PRXL2C: variants seen among roughly 807,000 people sequenced by gnomAD.
PRXL2C encodes the protein peroxiredoxin-like 2C.
A neutral mutation model predicts 24.9 loss-of-function variants in PRXL2C; 38 were observed. The ratio of observed to expected loss-of-function variants is 1.53; its 90% CI spans 1.18 to 2.00. The LOEUF (loss-of-function observed/expected upper bound fraction) is 2.00. Among genes scored for constraint, PRXL2C ranks in the 30% most tolerant of loss-of-function variants. The pLI is 0.00. For synonymous variants in PRXL2C, 98 were observed against 117.2 expected, an observed-to-expected ratio of 0.84 and a Z score of 1.06; for missense variants, 294 against 290.9, an observed-to-expected ratio of 1.01 and a Z score of -0.08.
intron 5 of PRXL2C, among the ~76,000 whole-genome samples, chr9:96,645,179 G>A (rs897718159): frequency 2.6e-5 from 4 of 151,556 alleles, no homozygotes; most frequent in South Asian, 2.1e-4. Context: ...AAAGTGCTGG[G>A]ATTACAGGCG....
At chr9:96,644,876 GGATTCTTTTTTTTTTTTT>G (rs1848169791) in intron 5 of PRXL2C, among the ~76,000 whole-genome samples, 1 of 113,676 alleles carries the variant, frequency 8.8e-6, no homozygotes, top group African/African-American at 3.0e-5. Flanking sequence ...ATAACTACAT[GGATTCTTTTTTTTTTTTT>G]TTTTTTTTTT....
At position 96,654,787 on chromosome 9, in the gene PRXL2C, C is replaced by A; in HGVS notation, c.193-14G>T. 6.4e-7 allele frequency: 1 copy of A among 1,555,930 alleles called. No homozygotes were observed. Among genetic ancestry groups the A allele is most frequent in the Non-Finnish European group, 8.7e-7 (1 of 1,148,874 alleles). On this transcript the variant is annotated splice_polypyrimidine_tract_variant and intron_variant, in intron 1 of 5. Coordinates refer to ENST00000375234, the MANE Select transcript of PRXL2C (RefSeq NM_153698.2). The stretch of plus-strand genomic sequence containing the variant: ...ACACAGGAAATGCTGAAAGCCAAAA[C>A]GGCAGAAAGGGCAAGTTAGTAAAGC...
chr9:96,645,813 G>GA, intron 5 of PRXL2C, 80 bp downstream of exon 5: 1 of 1,423,870 alleles, frequency 7.0e-7, no homozygotes, highest in Non-Finnish European at 9.4e-7. Flanking sequence ...AAAAAAAAAG[G>GA]AAAAGAAAAG....
intron 4 of PRXL2C, among the ~76,000 whole-genome samples, chr9:96,648,516 G>A (rs1401424527): frequency 6.6e-6 from 1 of 151,804 alleles, no homozygotes; most frequent in African/African-American, 2.4e-5. Context: ...TTCTGAGACT[G>A]ATTTTGAGAT....
intron 4 of PRXL2C, among the ~76,000 whole-genome samples, chr9:96,646,517 T>C (rs1848202821): frequency 6.6e-6 from 1 of 152,250 alleles, no homozygotes; most frequent in Non-Finnish European, 1.5e-5. Context: ...TGCTACGTGT[T>C]GGTCAAAACC....
At position 96,655,264 on chromosome 9, in the gene PRXL2C, C is replaced by T. The variant is rs888270424; in HGVS notation, c.18G>A (p.Pro6=). Residue 6 remains proline, a synonymous_variant, in exon 1 of 6, where the codon CCG becomes CCA. Transcript: ENST00000375234. The stretch of plus-strand genomic sequence containing the variant: ...CGGCGCCGCTAACCTGCCGCGTGAC[C>T]GGGGCCGGCGCGGCCATGACGCGGG... MAAPA[P]VTRQVSGAAA... 2.8e-6 allele frequency: 3 copies of T among 1,082,976 alleles called. No individual in the cohort carries two copies. The highest frequency in any genetic ancestry group is 1.1e-6 in the Non-Finnish European group (1 of 894,410). The allele number at this position is 1,082,976 out of a possible 1,614,324, so 67.1% of individuals were successfully genotyped here.
chr9:96,639,696 A>T lies in PRXL2C; in HGVS notation c.*2063T>A, dbSNP rs1161015772. On this transcript the variant is annotated 3_prime_UTR_variant, in exon 6 of 6. Transcript: ENST00000375234. ...TTATATGCTTCATATAAAAGTACTG[A>T]GTTCAAAGCAGTATTATACTTGCTA... is the stretch of plus-strand genomic sequence containing the variant. 1 of 152,230 alleles carries T rather than the reference A, an allele frequency of 6.6e-6. No homozygotes were observed. The highest frequency in any genetic ancestry group is 1.5e-5 in the Non-Finnish European group (1 of 68,034). 9.4% of individuals were successfully genotyped at this position (152,230 alleles called of 1,614,324 possible). A position where few individuals can be genotyped will look rare whatever the true frequency, so the allele number is the denominator to read the frequency against.
intron 5 of PRXL2C, 136 bp downstream of exon 5, chr9:96,645,757 A>C: frequency 1.0e-6 from 1 of 987,360 alleles, no homozygotes; most frequent in South Asian, 1.8e-5. Flanking sequence ...AGATTGCGCC[A>C]CTGCACTCCA....
rs775551566 is a variant in PRXL2C, at chr9:96,651,693, A to G, written c.281T>C (p.Ile94Thr). The change falls in exon 3 of 6, where the codon ATA becomes ACA. Residue 94 changes from isoleucine to threonine, a missense_variant. Ile to Thr is a moderately conservative substitution (Grantham distance 89). Coordinates refer to ENST00000375234, the MANE Select transcript of PRXL2C (RefSeq NM_153698.2). The part of the protein sequence containing the change: ...SFLQEANVTL[I>T]VIGQSSYHHI... ...ATGGTAGGATGACTGTCCAATCACT[A>G]TAAGGGTGACATTTGCTTCCTTAGG... 6.2e-6 allele frequency: 10 copies of G among 1,610,430 alleles called. No homozygotes were observed. The highest frequency in any genetic ancestry group is 2.2e-5 in the South Asian group (2 of 90,532).
At chr9:96,646,282 C>G (rs921280678) in intron 4 of PRXL2C, among the ~76,000 whole-genome samples, 2 of 152,108 alleles carry the variant, frequency 1.3e-5, no homozygotes, top group African/African-American at 4.8e-5. Flanking sequence ...TCAGACAATG[C>G]CAAATGTCTC....
chr9:96,641,916 G>T lies in PRXL2C; in HGVS notation c.554-30C>A, dbSNP rs1344411331. The T allele has an allele frequency of 9.1e-6, 13 of 1,434,098 alleles. No individual in the cohort carries two copies. The Admixed American group carries it at 2.5e-4, about 28-fold the overall frequency. The allele number at this position is 1,434,098 out of a possible 1,614,324, so 88.8% of individuals were successfully genotyped here. The stretch of plus-strand genomic sequence containing the variant: ...AAGAGAATAAGAATAAAAGGCTGAG[G>T]CATAGTATTATTCATCAGATTTACT... On this transcript the variant is annotated intron_variant, in intron 5 of 5. Transcript: ENST00000375234.
intron 4 of PRXL2C, among the ~76,000 whole-genome samples, chr9:96,649,764 T>G (rs1366482289): frequency 6.6e-6 from 1 of 151,932 alleles, no homozygotes; most frequent in Non-Finnish European, 1.5e-5. Flanking sequence ...CTGCTCCACA[T>G]GGGTTATATG....
In PRXL2C at chr9:96,641,802, T is replaced by G. The variant is rs199668819; in HGVS notation, c.638A>C (p.Gln213Pro). The part of the protein sequence containing the change: ...INSVLQLVGV[Q>P]HVNFTNRPSV... Reference sequence around the variant, plus strand: ...AGGTCTGTTTGTAAAGTTCACATGCTGAACTCCTACAAGCTGTAAAACAGA... The same window carrying G: ...AGGTCTGTTTGTAAAGTTCACATGCGGAACTCCTACAAGCTGTAAAACAGA... Residue 213 changes from glutamine to proline, a missense_variant, in exon 6 of 6, where the codon CAG becomes CCG. Gln to Pro is a moderately conservative substitution (Grantham distance 76, BLOSUM62 -1). Transcript: ENST00000375234. The G allele has an allele frequency of 3.8e-6, 6 of 1,583,628 alleles. No homozygotes were observed. Among genetic ancestry groups the G allele is most frequent in the Non-Finnish European group, 5.2e-6 (6 of 1,157,232 alleles).
chr9:96,640,824 TC>T lies in PRXL2C; in HGVS notation c.*934del, dbSNP rs1245935182. ...TCCAGCCTGGGCAACAGAGTGAGAC[TC>T]CATCTCAAAAAAAAAAAAAAAAAAA... is the stretch of plus-strand genomic sequence containing the variant. On this transcript the variant is annotated 3_prime_UTR_variant, in exon 6 of 6. Coordinates refer to ENST00000375234, the MANE Select transcript of PRXL2C (RefSeq NM_153698.2). 11 of 122,012 alleles carry T rather than the reference TC, an allele frequency of 9.0e-5. No homozygotes were observed. Among genetic ancestry groups the T allele is most frequent in the Non-Finnish European group, 1.4e-4 (9 of 62,832 alleles). 7.6% of individuals were successfully genotyped at this position (122,012 alleles called of 1,614,324 possible).
chr9:96,642,911 C>T (rs1443785979), intron 5 of PRXL2C, among the ~76,000 whole-genome samples: 1 of 152,110 alleles, frequency 6.6e-6, no homozygotes. Flanking sequence ...TTCAACAAAC[C>T]ACGGATTGAA....
chr9:96,648,960 A>T (rs1340900263), intron 4 of PRXL2C, among the ~76,000 whole-genome samples: 4 of 152,050 alleles, frequency 2.6e-5, no homozygotes, highest in African/African-American at 4.8e-5. Context: ...TTTAGTAGAG[A>T]CAGGGTTTCT....
chr9:96,652,818 G>T (rs947580357), intron 2 of PRXL2C, among the ~76,000 whole-genome samples: 2 of 152,120 alleles, frequency 1.3e-5, no homozygotes, highest in African/African-American at 4.8e-5. Flanking sequence ...TTATTCAAAG[G>T]AAATGAAATC....
At chr9:96,652,617 T>C (rs1428542788) in intron 2 of PRXL2C, among the ~76,000 whole-genome samples, 2 of 151,852 alleles carry the variant, frequency 1.3e-5, no homozygotes, top group African/African-American at 2.4e-5. Flanking sequence ...TACAATGATA[T>C]AACCTCACAC....
At chr9:96,651,368 T>G in intron 4 of PRXL2C, 22 bp downstream of exon 4, 3 of 1,510,812 alleles carry the variant, frequency 2.0e-6, no homozygotes, top group Non-Finnish European at 2.7e-6. Flanking sequence ...GTGTTTTCTA[T>G]TTGAGACATG....
Sources: gnomAD v4.1 joint callset for allele counts (sites outside exome capture counted in the v4.1 genomes callset) on GRCh38, gnomAD v4.1.1 for gene constraint, MANE v1.5 for transcripts, NCBI Gene and HGNC (gene_info 2026-07-23, HGNC 2026-07-21) for gene names.